The following NCAM2 variants were observed in gnomAD, a reference collection of about 807,000 sequenced individuals.
NCAM2 encodes neural cell adhesion molecule 2, also known as N-CAM-2.
A neutral mutation model predicts 98.1 loss-of-function variants in NCAM2; 30 were observed. The ratio of observed to expected loss-of-function variants is 0.31; its 90% CI spans 0.23 to 0.41. NCAM2 has a LOEUF of 0.41. NCAM2 is among the 10% of genes least tolerant of loss of function. The pLI is 1.00. For synonymous variants in NCAM2, 368 were observed against 342.4 expected (o/e 1.07, Z -0.83); for missense variants, 867 against 1,005.8 (o/e 0.86, Z 1.87).
intron 10 of NCAM2, among the ~76,000 whole-genome samples, chr21:21,412,278 A>G (rs1433343471): frequency 6.6e-6 from 1 of 152,144 alleles, no homozygotes; most frequent in Non-Finnish European, 1.5e-5. Context: ...TCTTGTAAGG[A>G]TACCAGTCCT....
At chr21:21,353,163 A>G (rs1192820937) in intron 8 of NCAM2, among the ~76,000 whole-genome samples, 1 of 152,160 alleles carries the variant, frequency 6.6e-6, no homozygotes, top group Non-Finnish European at 1.5e-5. Context: ...CATTTTTCAT[A>G]AAGAAAAATG....
At chr21:21,388,367 G>A (rs1037987688) in intron 9 of NCAM2, among the ~76,000 whole-genome samples, 2 of 152,114 alleles carry the variant, frequency 1.3e-5, no homozygotes, top group Admixed American at 6.6e-5. Context: ...GTAAGAGAGG[G>A]ACCTGCTGCA....
chr21:21,344,473 C>T (rs774467626), intron 8 of NCAM2, among the ~76,000 whole-genome samples: 7 of 152,104 alleles, frequency 4.6e-5, no homozygotes, highest in Non-Finnish European at 1.0e-4. Context: ...CTCAGGGGAA[C>T]ATTGTTGTAG....
At chr21:21,266,919 G>T (rs1215820234) in intron 1 of NCAM2, among the ~76,000 whole-genome samples, 1 of 152,132 alleles carries the variant, frequency 6.6e-6, no homozygotes, top group Non-Finnish European at 1.5e-5. Context: ...AGCACACAGA[G>T]AGACATATGC....
intron 12 of NCAM2, among the ~76,000 whole-genome samples, chr21:21,434,374 G>A (rs1027894614): frequency 2.0e-5 from 3 of 152,124 alleles, no homozygotes; most frequent in Non-Finnish European, 4.4e-5. Context: ...TTGCGAATGA[G>A]AATAAAATAC....
At chr21:21,122,520 T>G (rs2066696568) in intron 1 of NCAM2, among the ~76,000 whole-genome samples, 1 of 152,200 alleles carries the variant, frequency 6.6e-6, no homozygotes, top group Non-Finnish European at 1.5e-5. Context: ...TATTTATTAT[T>G]TCTCACAATT....
At chr21:21,410,170 G>T in intron 9 of NCAM2, 104 bp from the exon 10 acceptor site, 2 of 619,822 alleles carry the variant, frequency 3.2e-6, no homozygotes, top group Non-Finnish European at 2.4e-6. Context: ...TTAGAATTAT[G>T]TGGCTTCTTT....
intron 16 of NCAM2, among the ~76,000 whole-genome samples, chr21:21,524,000 G>A (rs1464233038): frequency 6.6e-6 from 1 of 151,108 alleles, no homozygotes; most frequent in African/African-American, 2.4e-5. Flanking sequence ...GAGACTGTCA[G>A]AGTAAATAAA....
chr21:21,063,869 A>C (rs529507404), intron 1 of NCAM2, among the ~76,000 whole-genome samples: 33 of 152,272 alleles, frequency 2.2e-4, no homozygotes, highest in South Asian at 4.1e-4. Context: ...AATTTGTATA[A>C]AGTTTCTTAC....
chr21:21,126,645 T>C (rs1362208472), intron 1 of NCAM2, among the ~76,000 whole-genome samples: 1 of 151,978 alleles, frequency 6.6e-6, no homozygotes, highest in Non-Finnish European at 1.5e-5. Context: ...TAAAATCTAA[T>C]AATGCAAGTG....
chr21:21,504,438 C>A (rs934726945), intron 15 of NCAM2, among the ~76,000 whole-genome samples: 1 of 5,602 alleles, frequency 1.8e-4, no homozygotes, highest in African/African-American at 6.9e-4. Context: ...GGTTTGATTT[C>A]CTAAGTAATA....
intron 12 of NCAM2, among the ~76,000 whole-genome samples, chr21:21,464,777 C>T (rs1983459042): frequency 6.6e-6 from 1 of 152,086 alleles, no homozygotes; most frequent in Non-Finnish European, 1.5e-5. Context: ...TAACTATATA[C>T]TTTTCTGGGG....
At chr21:21,393,896 G>T (rs79759959) in intron 9 of NCAM2, among the ~76,000 whole-genome samples, 2 of 152,090 alleles carry the variant, frequency 1.3e-5, no homozygotes, top group Non-Finnish European at 2.9e-5. Flanking sequence ...ATGAAGGAAA[G>T]ATATTCTGAT....
chr21:21,450,622 G>A (rs1366184318), intron 12 of NCAM2, among the ~76,000 whole-genome samples: 1 of 151,978 alleles, frequency 6.6e-6, no homozygotes, highest in African/African-American at 2.4e-5. Flanking sequence ...GAGCCACTGT[G>A]CCCTGCCTTA....
intron 5 of NCAM2, among the ~76,000 whole-genome samples, chr21:21,299,547 C>T (rs573629133): frequency 5.3e-5 from 8 of 151,718 alleles, no homozygotes; most frequent in East Asian, 2.0e-4. Context: ...TCACAATCTC[C>T]GTCTAAAATG....
chr21:21,382,810 G>A (rs1247696223), intron 9 of NCAM2, among the ~76,000 whole-genome samples: 2 of 151,880 alleles, frequency 1.3e-5, no homozygotes, highest in African/African-American at 2.4e-5. Context: ...GATTACAGGC[G>A]GGAGCCACTG....
At chr21:21,445,610 A>T (rs1193361760) in intron 12 of NCAM2, among the ~76,000 whole-genome samples, 1 of 150,918 alleles carries the variant, frequency 6.6e-6, no homozygotes, top group Non-Finnish European at 1.5e-5. Flanking sequence ...GTATTTTTTG[A>T]TCTTTGTTGG....
intron 1 of NCAM2, among the ~76,000 whole-genome samples, chr21:21,143,706 G>T (rs1402428715): frequency 2.0e-5 from 3 of 150,090 alleles, no homozygotes; most frequent in Non-Finnish European, 4.4e-5. Flanking sequence ...TTGGCGCCTT[G>T]GTTTTTCCAT....
At chr21:21,441,400 A>G (rs1979247271) in intron 12 of NCAM2, among the ~76,000 whole-genome samples, 1 of 152,234 alleles carries the variant, frequency 6.6e-6, no homozygotes, top group African/African-American at 2.4e-5. Flanking sequence ...ATTGAACAAA[A>G]TATACATTTA....
Sources: gnomAD v4.1 joint callset for allele counts (sites outside exome capture counted in the v4.1 genomes callset) on GRCh38, gnomAD v4.1.1 for gene constraint, MANE v1.5 for transcripts, NCBI Gene and HGNC (gene_info 2026-07-23, HGNC 2026-07-21) for gene names.